The following TIAM1 variants were observed in gnomAD, a reference collection of about 807,000 sequenced individuals.
TIAM1 encodes the protein rho guanine nucleotide exchange factor TIAM1.
A neutral mutation model predicts 163.5 loss-of-function variants in TIAM1; 65 were observed. That is an observed-to-expected ratio of 0.40 (90% CI 0.33 to 0.49). The LOEUF (loss-of-function observed/expected upper bound fraction) is 0.49, where lower values mean the gene tolerates loss of function less well. TIAM1 is among the 20% of genes least tolerant of loss of function. The probability of loss-of-function intolerance (pLI) is 0.77; values close to 1 mark genes in which losing one functional copy is unlikely to be tolerated. For missense variants in TIAM1, 1,789 were observed against 2,044.7 expected (o/e 0.87, Z 2.41); for synonymous variants, 833 against 810.1 (o/e 1.03, Z -0.48).
At chr21:31,254,275 G>A (rs991290465) in intron 4 of TIAM1, among the ~76,000 whole-genome samples, 4 of 152,238 alleles carry the variant, frequency 2.6e-5, no homozygotes, top group African/African-American at 9.6e-5. Context: ...CTGCGGCTTA[G>A]AAAATCACAA....
At chr21:31,523,602 A>T (rs956181794) in intron 1 of TIAM1, among the ~76,000 whole-genome samples, 1 of 152,124 alleles carries the variant, frequency 6.6e-6, no homozygotes, top group Non-Finnish European at 1.5e-5. Context: ...TCTGAACCTC[A>T]GTTTGCTCAT....
intron 2 of TIAM1, among the ~76,000 whole-genome samples, chr21:31,304,796 G>A (rs576108875): frequency 6.6e-6 from 1 of 152,130 alleles, no homozygotes; most frequent in Non-Finnish European, 1.5e-5. Flanking sequence ...GGGTTTAAGC[G>A]ATTCTCGTGC....
chr21:31,170,072 T>C (rs979817633), intron 15 of TIAM1, among the ~76,000 whole-genome samples: 3 of 152,018 alleles, frequency 2.0e-5, no homozygotes, highest in Non-Finnish European at 4.4e-5. Flanking sequence ...TCTAAACAAA[T>C]GTAAAACAGG....
At chr21:31,551,261 G>A (rs997362171) in intron 1 of TIAM1, among the ~76,000 whole-genome samples, 6 of 151,146 alleles carry the variant, frequency 4.0e-5, no homozygotes, top group Non-Finnish European at 8.8e-5. Context: ...AAAGAACCAC[G>A]GCTGGACGTG....
intron 11 of TIAM1, among the ~76,000 whole-genome samples, chr21:31,205,465 T>C (rs928731461): frequency 2.0e-5 from 3 of 152,188 alleles, no homozygotes; most frequent in Non-Finnish European, 4.4e-5. Context: ...TTCTGGTTCC[T>C]GAAACTTCAG....
chr21:31,397,608 G>A (rs1198389820), intron 2 of TIAM1, among the ~76,000 whole-genome samples: 3 of 152,186 alleles, frequency 2.0e-5, no homozygotes, highest in Admixed American at 2.0e-4. Context: ...ACAAAGAGCT[G>A]GTGAAACCTC....
intron 2 of TIAM1, among the ~76,000 whole-genome samples, chr21:31,288,028 C>A (rs2073881214): frequency 6.6e-6 from 1 of 152,044 alleles, no homozygotes; most frequent in Non-Finnish European, 1.5e-5. Context: ...AACAAGGAGG[C>A]ATAGACTTCT....
At chr21:31,275,441 A>G (rs2073255425) in intron 3 of TIAM1, among the ~76,000 whole-genome samples, 1 of 152,210 alleles carries the variant, frequency 6.6e-6, no homozygotes, top group South Asian at 2.1e-4. Context: ...CCCAAACTCT[A>G]AAACAGATGG....
At chr21:31,391,519 G>A (rs761437637) in intron 2 of TIAM1, among the ~76,000 whole-genome samples, 8 of 152,078 alleles carry the variant, frequency 5.3e-5, no homozygotes, top group Non-Finnish European at 8.8e-5. Context: ...CAGCTACTCG[G>A]GAGGCTGAGG....
chr21:31,430,631 G>A (rs533032048), intron 2 of TIAM1, among the ~76,000 whole-genome samples: 137 of 151,446 alleles, frequency 9.0e-4, no homozygotes, highest in Non-Finnish European at 1.5e-3. Flanking sequence ...TGATTCTTCC[G>A]TTCTTAAAGT....
chr21:31,463,263 C>T (rs1300875858), intron 2 of TIAM1, among the ~76,000 whole-genome samples: 1 of 152,224 alleles, frequency 6.6e-6, no homozygotes, highest in Admixed American at 6.5e-5. Context: ...CAGCCGTGAT[C>T]AACCACTGTC....
chr21:31,510,584 G>A (rs534513738), intron 1 of TIAM1, among the ~76,000 whole-genome samples: 12 of 152,140 alleles, frequency 7.9e-5, no homozygotes, highest in Non-Finnish European at 1.2e-4. Flanking sequence ...AGGCCAAGGC[G>A]GATGGATTGC....
At chr21:31,352,630 T>C (rs1176382949) in intron 2 of TIAM1, among the ~76,000 whole-genome samples, 1 of 149,500 alleles carries the variant, frequency 6.7e-6, no homozygotes, top group African/African-American at 2.5e-5. Flanking sequence ...GGTGGGCGGA[T>C]CACTTGAGGT....
chr21:31,446,984 AT>A (rs2044648414), intron 2 of TIAM1, among the ~76,000 whole-genome samples: 2 of 152,182 alleles, frequency 1.3e-5, no homozygotes, highest in South Asian at 4.1e-4. Context: ...ACTATCAGGG[AT>A]TTTGTGTTAA....
intron 15 of TIAM1, among the ~76,000 whole-genome samples, chr21:31,172,575 C>G (rs927612127): frequency 6.6e-6 from 1 of 152,144 alleles, no homozygotes; most frequent in African/African-American, 2.4e-5. Flanking sequence ...CAGTACTGAG[C>G]ACACTGCCAG....
intron 2 of TIAM1, among the ~76,000 whole-genome samples, chr21:31,430,100 G>A (rs746679182): frequency 4.6e-5 from 7 of 151,634 alleles, no homozygotes; most frequent in African/African-American, 1.7e-4. Context: ...CGGCTACTCC[G>A]GAGGCTGAGG....
intron 1 of TIAM1, among the ~76,000 whole-genome samples, 151 bp from the exon 2 acceptor site, chr21:31,339,573 T>G (rs1036010085): frequency 6.6e-6 from 1 of 152,244 alleles, no homozygotes; most frequent in South Asian, 2.1e-4. Context: ...AGTATGGATA[T>G]TTTGATAAGC....
intron 3 of TIAM1, among the ~76,000 whole-genome samples, chr21:31,268,804 A>AAAAT (rs1341651420): frequency 3.3e-5 from 5 of 152,252 alleles, no homozygotes; most frequent in Non-Finnish European, 5.9e-5. Flanking sequence ...TCTTACAAGT[A>AAAAT]AAATAAATAA....
chr21:31,504,656 A>C (rs1197935303), intron 1 of TIAM1, among the ~76,000 whole-genome samples: 1 of 152,184 alleles, frequency 6.6e-6, no homozygotes, highest in Non-Finnish European at 1.5e-5. Flanking sequence ...CTCTGACTGC[A>C]CCAGGGGCTG....
Sources: gnomAD v4.1 joint callset for allele counts (sites outside exome capture counted in the v4.1 genomes callset) on GRCh38, gnomAD v4.1.1 for gene constraint, MANE v1.5 for transcripts, NCBI Gene and HGNC (gene_info 2026-07-23, HGNC 2026-07-21) for gene names.